PARD3B: variants seen among roughly 807,000 people sequenced by gnomAD.
The protein encoded by PARD3B is partitioning defective 3 homolog B.
Under a neutral mutation model 130.2 loss-of-function variants are expected in PARD3B, and 103 were observed. The observed-to-expected ratio is 0.79, with a 90% CI of 0.67 to 0.93. The LOEUF is 0.93. Among genes scored for constraint, PARD3B ranks in the 40% least tolerant of loss-of-function variants. PARD3B has a pLI of 0.00. For synonymous variants in PARD3B, 583 were observed against 553.2 expected (o/e 1.05, Z -0.76); for missense variants, 1,609 against 1,499.2 (o/e 1.07, Z -1.21).
At chr2:204,733,335 A>G (rs185750866) in intron 2 of PARD3B, among the ~76,000 whole-genome samples, 29 of 152,304 alleles carry the variant, frequency 1.9e-4, no homozygotes, top group Non-Finnish European at 3.4e-4. Flanking sequence ...CAAACTACCC[A>G]GCATTGTTGA....
intron 2 of PARD3B, among the ~76,000 whole-genome samples, chr2:204,811,065 C>T (rs1484718270): frequency 6.6e-6 from 1 of 152,062 alleles, no homozygotes; most frequent in East Asian, 1.9e-4. Context: ...AGGAATTTAT[C>T]CATCTCTTCT....
In PARD3B at chr2:205,132,920, T is replaced by TTGAC. The variant is rs1327870967; in HGVS notation, c.1434+7187_1434+7190dup. 3.3e-5 allele frequency among the ~76,000 whole-genome samples: 5 copies of TTGAC among 152,302 alleles called. No individual in the cohort carries two copies. In the East Asian group the frequency reaches 7.7e-4, roughly 24 times the overall value. On this transcript the variant is annotated intron_variant, in intron 10 of 22. Transcript: ENST00000406610. ...ATAGTGTATGCTCAGTGGATATTTG[T>TTGAC]TGACTGAATGAATGAAAGCTACGCA...
intron 3 of PARD3B, among the ~76,000 whole-genome samples, chr2:205,040,629 G>T (rs1170652839): frequency 3.3e-5 from 5 of 152,114 alleles, no homozygotes; most frequent in African/African-American, 1.2e-4. Context: ...GGATTACCTG[G>T]AAGAATGTGT....
chr2:204,754,476 A>G (rs1378612671), intron 2 of PARD3B, among the ~76,000 whole-genome samples: 39 of 152,170 alleles, frequency 2.6e-4, no homozygotes, highest in Admixed American at 2.6e-3. Context: ...TCCTTCATGT[A>G]GAAAGTAAGT....
intron 2 of PARD3B, among the ~76,000 whole-genome samples, chr2:204,727,224 C>A (rs1489971401): frequency 1.3e-5 from 2 of 152,124 alleles, no homozygotes; most frequent in African/African-American, 4.8e-5. Flanking sequence ...TTGTTTATTC[C>A]TTGTATATTT....
chr2:205,048,699 G>A (rs977655902), intron 4 of PARD3B: 1 of 152,146 alleles, frequency 6.6e-6, no homozygotes, highest in African/African-American at 2.4e-5. Context: ...AAGAACCAAT[G>A]TCAATGTGTA....
Position 205,193,217 on chromosome 2 carries a change from T to C in PARD3B, c.2037T>C (p.Asp679=). 3 of 1,608,770 alleles carry C rather than the reference T, an allele frequency of 1.9e-6. No homozygotes were observed. Among genetic ancestry groups the C allele is most frequent in the Non-Finnish European group, 2.6e-6 (3 of 1,175,160 alleles). ...LEDYSHSSGV[D]SAVYFPDQHI... is the part of the protein sequence containing the mutation. ...CTTCCTTCCACAGCTCTGGGGTGGA[T>C]TCAGCAGTATATTTTCCAGATCAGC... is the stretch of plus-strand genomic sequence containing the variant. Residue 679 remains aspartate (D), a synonymous_variant, in exon 15 of 23, where the codon GAT becomes GAC. Transcript: ENST00000406610.
At position 204,669,826 on chromosome 2, in the gene PARD3B, C is replaced by T. The variant is rs748934841; in HGVS notation, c.121-16355C>T. Among the ~76,000 whole-genome samples, 10 of 151,718 alleles carry T rather than the reference C, an allele frequency of 6.6e-5. No homozygotes were observed. The highest frequency in any genetic ancestry group is 9.7e-5 in the African/African-American group (4 of 41,270). On this transcript the variant is annotated intron_variant, in intron 1 of 22. Transcript: ENST00000406610. The surrounding 1 kb of genome is among the most constrained non-coding windows in gnomAD (Gnocchi z 4.3). Reference sequence around the variant, plus strand: ...AGGGCTGCCAAGTCCTCTTTTACTCCGAGGAATGAAGAGATGCTGTTTTAG... The same window carrying T: ...AGGGCTGCCAAGTCCTCTTTTACTCTGAGGAATGAAGAGATGCTGTTTTAG...
At position 204,848,685 on chromosome 2, in the gene PARD3B, A is replaced by G. The variant is rs77149661; in HGVS notation, c.223-116467A>G. ...TATCTGTCTGTCTGTGTATCTATCT[A>G]TTATTTATATATGTATCTATATATA... On this transcript the variant is annotated intron_variant, in intron 2 of 22. Coordinates refer to ENST00000406610, the MANE Select transcript of PARD3B (RefSeq NM_001302769.2). Among the ~76,000 whole-genome samples the G allele has an allele frequency of 7.8e-3, 1,181 of 151,532 alleles. 12 individuals carry two copies. The highest frequency in any genetic ancestry group is 0.025 in the African/African-American group (1,039 of 41,392).
At chr2:205,313,651 T>C (rs1037573723) in intron 18 of PARD3B, among the ~76,000 whole-genome samples, 1 of 152,198 alleles carries the variant, frequency 6.6e-6, no homozygotes, top group Non-Finnish European at 1.5e-5. Flanking sequence ...TCTCCTAATA[T>C]GCGTGCACAG....
chr2:205,157,184 A>C (rs1559494072), intron 10 of PARD3B, among the ~76,000 whole-genome samples: 1 of 152,360 alleles, frequency 6.6e-6, no homozygotes, highest in East Asian at 1.9e-4. Context: ...AGGCCTGGAA[A>C]CATAAATGGT....
intron 15 of PARD3B, among the ~76,000 whole-genome samples, chr2:205,218,355 G>A (rs1403513315): frequency 1.3e-5 from 2 of 152,176 alleles, no homozygotes; most frequent in Non-Finnish European, 2.9e-5. Context: ...ATTATTGGCT[G>A]TAATGTATGA....
At chr2:205,437,240 GTGTT>G (rs2047549834) in intron 19 of PARD3B, among the ~76,000 whole-genome samples, 1 of 152,128 alleles carries the variant, frequency 6.6e-6, no homozygotes, top group Non-Finnish European at 1.5e-5. Context: ...AATTTCTCAA[GTGTT>G]TGTTCACATA....
At chr2:205,145,760 TACTCTGTCTCCCTCTCAAAG>T in intron 10 of PARD3B, among the ~76,000 whole-genome samples, 1 of 149,908 alleles carries the variant, frequency 6.7e-6, no homozygotes, top group East Asian at 2.0e-4. Context: ...AAACCCTGCA[TACTCTGTCTCCCTCTCAAAG>T]ACTCTGAATA....
chr2:204,679,825 A>G (rs1335141564), intron 1 of PARD3B, among the ~76,000 whole-genome samples: 1 of 151,854 alleles, frequency 6.6e-6, no homozygotes, highest in African/African-American at 2.4e-5. Flanking sequence ...CATTTTTTCT[A>G]TATTAATTTA....
intron 21 of PARD3B, among the ~76,000 whole-genome samples, chr2:205,517,504 T>G (rs990209981): frequency 5.9e-5 from 9 of 152,132 alleles, no homozygotes; most frequent in African/African-American, 2.2e-4. Context: ...AGCCTATCTA[T>G]CTTACTAATT....
rs1482779392 is a variant in PARD3B, at chr2:205,054,434, A to ATT, written c.504+6745_504+6746insTT. Among the ~76,000 whole-genome samples, 183 of 29,474 alleles carry ATT rather than the reference A, an allele frequency of 6.2e-3. 2 individuals carry two copies. Among genetic ancestry groups the ATT allele is most frequent in the Admixed American group, 0.045 (77 of 1,706 alleles). 19.3% of individuals were successfully genotyped at this position (29,474 alleles called of 152,430 possible). On this transcript the variant is annotated intron_variant, in intron 4 of 22. Transcript: ENST00000406610. The stretch of plus-strand genomic sequence containing the variant: ...TATATATATATATATATATATATAT[A>ATT]TATTTTTTTTTTTTTTTTTTTTTAA...
chr2:204,634,770 T>C (rs965333125), intron 1 of PARD3B, among the ~76,000 whole-genome samples: 1 of 152,194 alleles, frequency 6.6e-6, no homozygotes, highest in Admixed American at 6.5e-5. Flanking sequence ...CATAATATAG[T>C]TTTTTTCCCC....
chr2:204,827,863 C>A (rs1379531539), intron 2 of PARD3B, among the ~76,000 whole-genome samples: 1 of 152,182 alleles, frequency 6.6e-6, no homozygotes, highest in Admixed American at 6.5e-5. Context: ...GCATAAATAT[C>A]TGACTGGATG....
Sources: gnomAD v4.1 joint callset for allele counts (sites outside exome capture counted in the v4.1 genomes callset) on GRCh38, gnomAD v4.1.1 for gene constraint, Gnocchi (gnomAD v3.1) non-coding constraint, MANE v1.5 for transcripts, NCBI Gene and HGNC (gene_info 2026-07-23, HGNC 2026-07-21) for gene names.